EHMT1: variants seen among roughly 807,000 people sequenced by gnomAD.
EHMT1 encodes histone-lysine N-methyltransferase EHMT1.
EHMT1 carries 15 observed loss-of-function variants against 147.2 expected under a neutral mutation model. The ratio of observed to expected loss-of-function variants is 0.10; its 90% CI spans 0.07 to 0.16. EHMT1 has a LOEUF of 0.16. Among genes scored for constraint, EHMT1 ranks in the 10% least tolerant of loss-of-function variants. The pLI is 1.00. For missense variants in EHMT1, 1,587 were observed against 1,772.4 expected (o/e 0.90, Z 1.88); for synonymous variants, 795 against 709.6 (o/e 1.12, Z -1.91).
intron 15 of EHMT1, chr9:137,788,790 G>T (rs537334920): frequency 6.6e-6 from 1 of 152,344 alleles, no homozygotes; most frequent in African/African-American, 2.4e-5. Flanking sequence ...TGAGCGGCCG[G>T]CGGCTTCGAC....
At chr9:137,804,008 T>C (rs922925171) in intron 18 of EHMT1, among the ~76,000 whole-genome samples, 2 of 152,114 alleles carry the variant, frequency 1.3e-5, no homozygotes, top group African/African-American at 2.4e-5. Flanking sequence ...TGGGGGGTCC[T>C]CGGGAAACTT....
chr9:137,744,896 G>A (rs1361222608), intron 6 of EHMT1, among the ~76,000 whole-genome samples: 1 of 152,256 alleles, frequency 6.6e-6, no homozygotes, highest in African/African-American at 2.4e-5. Context: ...GTGTCTCAGG[G>A]AAACTGAGGA....
chr9:137,622,153 C>T (rs1210499499), intron 1 of EHMT1, among the ~76,000 whole-genome samples: 3 of 127,412 alleles, frequency 2.4e-5, no homozygotes, highest in African/African-American at 8.8e-5. Context: ...GAGTCTTGAT[C>T]TATTGCCCAG....
intron 14 of EHMT1, among the ~76,000 whole-genome samples, chr9:137,780,079 GTATGGTGATGATGCTGAGA>G (rs1951269341): frequency 6.7e-6 from 1 of 150,278 alleles, no homozygotes. Context: ...ACGCTGAGAT[GTATGGTGATGATGCTGAGA>G]TGTGATGACG....
chr9:137,803,734 C>A (rs879015239), intron 18 of EHMT1, among the ~76,000 whole-genome samples: 2 of 151,762 alleles, frequency 1.3e-5, no homozygotes, highest in Admixed American at 1.3e-4. Context: ...ACCTGTGGTC[C>A]CAGGTACTCG....
In EHMT1 at chr9:137,787,963, TGGACAGCCCCCCA is replaced by T. The variant is rs915850016; in HGVS notation, c.2383-2881_2383-2869del. The T allele has an allele frequency of 2.7e-6, 4 of 1,493,422 alleles. No individual in the cohort carries two copies. In the African/African-American group the frequency reaches 4.1e-5, roughly 15 times the overall value. 92.5% of individuals were successfully genotyped at this position (1,493,422 alleles called of 1,614,324 possible). Reference sequence around the variant, plus strand: ...CAGAGGGAGGCCCTGTGTCCCCCACTGGACAGCCCCCCAGGAACTGAGGTGCCCTGCAGTAAGT... The same window carrying T: ...CAGAGGGAGGCCCTGTGTCCCCCACTGGAACTGAGGTGCCCTGCAGTAAGT... On this transcript the variant is annotated intron_variant, in intron 15 of 26. Transcript: ENST00000460843. The surrounding 1 kb of genome is among the most constrained non-coding windows in gnomAD (Gnocchi z 4.2).
In EHMT1 at chr9:137,762,663, G is replaced by T; in HGVS notation, c.1502-12G>T. 1 of 1,614,200 alleles carries T rather than the reference G, an allele frequency of 6.2e-7. No homozygotes were observed. The highest frequency in any genetic ancestry group is 8.5e-7 in the Non-Finnish European group (1 of 1,180,048). Reference sequence around the variant, plus strand: ...GGATTGCATGAGCTGACATGTGTCTGTGTGACGTTAGGGTTGGCCAACGGT... The same window carrying T: ...GGATTGCATGAGCTGACATGTGTCTTTGTGACGTTAGGGTTGGCCAACGGT... On this transcript the variant is annotated splice_polypyrimidine_tract_variant and intron_variant, in intron 9 of 26. Transcript: ENST00000460843.
chr9:137,784,443 G>T, intron 15 of EHMT1: 1 of 1,169,698 alleles, frequency 8.5e-7, no homozygotes, highest in East Asian at 3.9e-5. Context: ...TGCATCTTTT[G>T]AATTGGTTTT....
chr9:137,719,907 A>G lies in EHMT1; in HGVS notation c.642+2725A>G, dbSNP rs868808471. ...GGTGCCGAACCCCCTCCACACCAGG[A>G]CACAGTCGAGGTGCCGAACCCCCTC... On this transcript the variant is annotated intron_variant, in intron 3 of 26. Transcript: ENST00000460843. 8.9e-3 allele frequency among the ~76,000 whole-genome samples: 456 copies of G among 50,992 alleles called. 3 individuals are homozygous for G. The highest frequency in any genetic ancestry group is 0.037 in the African/African-American group (405 of 11,042). 33.5% of individuals were successfully genotyped at this position (50,992 alleles called of 152,430 possible).
Position 137,782,542 on chromosome 9 carries a change from C to T in EHMT1, c.2382+145C>T, listed in dbSNP as rs139664414. 1.6e-4 allele frequency: 121 copies of T among 764,590 alleles called. No individual in the cohort carries two copies. The highest frequency in any genetic ancestry group is 1.5e-3 in the African/African-American group (86 of 58,226). The allele number at this position is 764,590 out of a possible 1,614,324, so 47.4% of individuals were successfully genotyped here. On this transcript the variant is annotated intron_variant, in intron 15 of 26. Coordinates refer to ENST00000460843, the MANE Select transcript of EHMT1 (RefSeq NM_024757.5). This position sits in a 1 kb window ranked among gnomAD's most constrained non-coding sequence, Gnocchi z 5.7. ...GGCACAGAGTCAGCTTTTCTGCCCCCGAGTCCTGCAGGTGGATCAGTGCTT... is the reference window on the plus strand; with the variant it reads ...GGCACAGAGTCAGCTTTTCTGCCCCTGAGTCCTGCAGGTGGATCAGTGCTT...
chr9:137,775,031 C>T lies in EHMT1; in HGVS notation c.1648-78C>T. On this transcript the variant is annotated intron_variant, in intron 10 of 26. Coordinates refer to ENST00000460843, the MANE Select transcript of EHMT1 (RefSeq NM_024757.5). This position sits in a 1 kb window ranked among gnomAD's most constrained non-coding sequence, Gnocchi z 6.1. ...CTGCTGAGCAGCTCTTGTGTGCCTG[C>T]ACTGCCCAGCGCCTGGTGGGAGGGA... The T allele has an allele frequency of 1.3e-6, 2 of 1,598,176 alleles. No individual in the cohort carries two copies. Among genetic ancestry groups the T allele is most frequent in the Non-Finnish European group, 1.7e-6 (2 of 1,167,234 alleles).
intron 6 of EHMT1, among the ~76,000 whole-genome samples, chr9:137,749,438 A>AT (rs945843879): frequency 2.3e-4 from 35 of 149,054 alleles, no homozygotes; most frequent in South Asian, 6.4e-4. Context: ...TGTCCAGCTA[A>AT]TTTTTTTTTT....
At chr9:137,702,180 G>A (rs1235829261) in intron 1 of EHMT1, among the ~76,000 whole-genome samples, 6 of 151,986 alleles carry the variant, frequency 3.9e-5, no homozygotes, top group African/African-American at 1.4e-4. Flanking sequence ...CACCCACCTC[G>A]GCCTCCCAAA....
At chr9:137,678,727 C>G (rs960748358) in intron 1 of EHMT1, among the ~76,000 whole-genome samples, 10 of 150,386 alleles carry the variant, frequency 6.6e-5, no homozygotes, top group African/African-American at 2.4e-4. Flanking sequence ...CCCGCTCCCC[C>G]CGAAAAACGT....
chr9:137,799,317 C>T (rs1953249108), intron 17 of EHMT1, among the ~76,000 whole-genome samples: 1 of 152,206 alleles, frequency 6.6e-6, no homozygotes, highest in African/African-American at 2.4e-5. Context: ...CTCCCTTGCT[C>T]TCCATCAGCT....
chr9:137,781,928 C>A (rs1951588489), intron 14 of EHMT1, among the ~76,000 whole-genome samples: 2 of 152,214 alleles, frequency 1.3e-5, no homozygotes, highest in African/African-American at 2.4e-5. Flanking sequence ...TGTCCCCGGC[C>A]TTGCTTGCTC....
intron 25 of EHMT1, among the ~76,000 whole-genome samples, chr9:137,822,285 G>A (rs1386973114): frequency 6.6e-6 from 1 of 152,208 alleles, no homozygotes; most frequent in Non-Finnish European, 1.5e-5. Flanking sequence ...CTTGCCTGTG[G>A]GTGGGCCTCC....
At chr9:137,714,617 A>G (rs557224275) in intron 2 of EHMT1, among the ~76,000 whole-genome samples, 70 of 146,630 alleles carry the variant, frequency 4.8e-4, no homozygotes, top group Non-Finnish European at 8.0e-4. Flanking sequence ...CAGTGGTGCA[A>G]TCATAGCTCA....
chr9:137,628,954 T>C lies in EHMT1; in HGVS notation c.21+9905T>C, dbSNP rs75500208. ...TATAAGAATCATGTTTTGGATTCTT[T>C]AGGAACTTTATTTTTTTTTTCAATC... On this transcript the variant is annotated intron_variant, in intron 1 of 26. Transcript: ENST00000460843. Among the ~76,000 whole-genome samples the C allele has an allele frequency of 2.2e-3, 331 of 152,358 alleles. 5 individuals carry two copies. The highest frequency in any genetic ancestry group is 7.3e-3 in the East Asian group (38 of 5,194).
Sources: gnomAD v4.1 joint callset for allele counts (sites outside exome capture counted in the v4.1 genomes callset) on GRCh38, gnomAD v4.1.1 for gene constraint, Gnocchi (gnomAD v3.1) non-coding constraint, MANE v1.5 for transcripts, NCBI Gene and HGNC (gene_info 2026-07-23, HGNC 2026-07-21) for gene names.